Variants in TESMIN observed in about 807,000 individuals in gnomAD.
The protein encoded by TESMIN is CXC domain containing 2.
In TESMIN, 34 loss-of-function variants were observed where a neutral mutation model predicts 47.4. The observed-to-expected ratio is 0.72, with a 90% confidence interval of 0.55 to 0.96. TESMIN has a LOEUF of 0.96. TESMIN is among the 40% of genes least tolerant of loss of function. The pLI, the probability that TESMIN is intolerant of heterozygous loss-of-function variation, is 0.00. For synonymous variants in TESMIN, 278 were observed against 258.9 expected (o/e 1.07, Z -0.71); for missense variants, 610 against 637.2 (o/e 0.96, Z 0.46).
At chr11:68,711,114 C>T (rs1946060931) in intron 8 of TESMIN, 65 bp from the exon 9 acceptor site, 1 of 1,312,752 alleles carries the variant, frequency 7.6e-7, no homozygotes, top group African/African-American at 1.5e-5. Flanking sequence ...CTGACAAATT[C>T]TATTTGGACC....
Position 68,718,436 on chromosome 11 carries a change from G to GTGA in TESMIN, c.918-2500_918-2498dup, listed in dbSNP as rs1946167716. On this transcript the variant is annotated intron_variant, in intron 6 of 9. Transcript: ENST00000255087. ...TTTAGGAAGCAAAAAAGTAATCACA[G>GTGA]TGATGAAAGACCTAGAAGGTATGAA... 4.6e-5 allele frequency among the ~76,000 whole-genome samples: 7 copies of GTGA among 152,318 alleles called. No individual in the cohort carries two copies. In the South Asian group the frequency reaches 1.4e-3, roughly 32 times the overall value.
intron 5 of TESMIN, among the ~76,000 whole-genome samples, chr11:68,742,034 G>GA (rs1486159207): frequency 2.0e-5 from 3 of 152,232 alleles, no homozygotes; most frequent in African/African-American, 7.2e-5. Flanking sequence ...TGTTGGTGGG[G>GA]TCACAGAGGA....
Position 68,715,830 on chromosome 11 carries a change from T to G in TESMIN, c.1020+7A>C. Reference sequence around the variant, plus strand: ...TAAAATGCATACATTTAATGGACATTTATTACCTTAATGGCTTTAAACCGT... The same window carrying G: ...TAAAATGCATACATTTAATGGACATGTATTACCTTAATGGCTTTAAACCGT... On this transcript the variant is annotated splice_region_variant and intron_variant, in intron 7 of 9. Coordinates refer to ENST00000255087, the MANE Select transcript of TESMIN (RefSeq NM_004923.3). The G allele has an allele frequency of 6.4e-7, 1 of 1,554,526 alleles. No homozygotes were observed. Among genetic ancestry groups the G allele is most frequent in the African/African-American group, 1.4e-5 (1 of 73,668 alleles).
At chr11:68,723,525 G>A (rs1386996223) in intron 6 of TESMIN, among the ~76,000 whole-genome samples, 2 of 145,326 alleles carry the variant, frequency 1.4e-5, no homozygotes, top group African/African-American at 5.0e-5. Flanking sequence ...AACACAAAAA[G>A]CTAGCAAAAC....
At chr11:68,708,554 C>T in intron 9 of TESMIN, 54 bp from the exon 10 acceptor site, 1 of 1,423,520 alleles carries the variant, frequency 7.0e-7, no homozygotes, top group East Asian at 2.3e-5. Context: ...TTTCTACCTA[C>T]AGTACTATTT....
intron 6 of TESMIN, among the ~76,000 whole-genome samples, chr11:68,718,855 C>T (rs188899767): frequency 4.5e-4 from 69 of 152,306 alleles, no homozygotes; most frequent in African/African-American, 1.4e-3. Context: ...CCATTTCCAA[C>T]CTGAAGTTAT....
intron 3 of TESMIN, among the ~76,000 whole-genome samples, chr11:68,746,686 C>T (rs957619280): frequency 5.9e-5 from 9 of 152,212 alleles, no homozygotes; most frequent in Non-Finnish European, 1.0e-4. Context: ...TGTAACATCT[C>T]TGTTTCTTAC....
chr11:68,741,495 T>C (rs61889264), intron 5 of TESMIN, among the ~76,000 whole-genome samples: 338 of 152,330 alleles, frequency 2.2e-3, no homozygotes, highest in Non-Finnish European at 4.0e-3. Flanking sequence ...TAACAGATGA[T>C]GTAATTGGCT....
At chr11:68,740,998 C>A (rs368308226) in intron 5 of TESMIN, among the ~76,000 whole-genome samples, 11 of 152,188 alleles carry the variant, frequency 7.2e-5, no homozygotes, top group African/African-American at 2.2e-4. Context: ...ATCCTTGACT[C>A]CTCTCTTTCT....
chr11:68,730,946 G>A (rs1946319765), intron 6 of TESMIN, among the ~76,000 whole-genome samples: 1 of 152,122 alleles, frequency 6.6e-6, no homozygotes, highest in African/African-American at 2.4e-5. Flanking sequence ...TATGGCTACT[G>A]AAACAATAGC....
rs747111907 is a variant in TESMIN at position 68,750,292 on chromosome 11, G to A, written c.369C>T (p.His123=). The A allele has an allele frequency of 6.4e-7, 1 of 1,550,794 alleles. No individual in the cohort carries two copies. The change falls in exon 2 of 10, where the codon CAC becomes CAT. Residue 123 remains histidine (H), a synonymous_variant. Coordinates refer to ENST00000255087, the MANE Select transcript of TESMIN (RefSeq NM_004923.3). ...GCGCGGGTAGCAGCGAGGACAGGAAGTGCACGTTGCAGGCGGGCGGCTGCG... is the reference window on the plus strand; with the variant it reads ...GCGCGGGTAGCAGCGAGGACAGGAAATGCACGTTGCAGGCGGGCGGCTGCG... The part of the protein sequence containing the change: ...QAPQPPACNV[H]FLSSLLPAHR...
chr11:68,717,396 C>A (rs1946152764), intron 6 of TESMIN, among the ~76,000 whole-genome samples: 1 of 152,114 alleles, frequency 6.6e-6, no homozygotes, highest in African/African-American at 2.4e-5. Flanking sequence ...AAGTGTGGAT[C>A]CCTGAAAGGC....
At chr11:68,724,518 C>T (rs956504272) in intron 6 of TESMIN, among the ~76,000 whole-genome samples, 1 of 152,174 alleles carries the variant, frequency 6.6e-6, no homozygotes, top group African/African-American at 2.4e-5. Context: ...TCCCAGCTTC[C>T]TATTTAGTTG....
intron 5 of TESMIN, 122 bp from the exon 6 acceptor site, chr11:68,738,910 A>G: frequency 1.2e-6 from 1 of 805,338 alleles, no homozygotes; most frequent in Non-Finnish European, 2.0e-6. Flanking sequence ...CCATCCCTTT[A>G]TAACCATGTC....
At position 68,745,131 on chromosome 11, in the gene TESMIN, T is replaced by C; in HGVS notation, c.631-20A>G. 2 of 1,574,470 alleles carry C rather than the reference T, an allele frequency of 1.3e-6. No homozygotes were observed. The highest frequency in any genetic ancestry group is 1.7e-6 in the Non-Finnish European group (2 of 1,169,842). On this transcript the variant is annotated intron_variant, in intron 3 of 9. Coordinates refer to ENST00000255087, the MANE Select transcript of TESMIN (RefSeq NM_004923.3). ...TATCACCTAAAATGAAAAAGAACAA[T>C]CAGGTTTCATTTTTGAAACATAATT...
intron 6 of TESMIN, chr11:68,737,974 T>C (rs1282109466): frequency 1.1e-5 from 11 of 985,606 alleles, no homozygotes; most frequent in Non-Finnish European, 1.3e-5. Context: ...AACAAACACC[T>C]CTTGGAGGCA....
intron 6 of TESMIN, chr11:68,736,898 T>C (rs2153992246): frequency 1.0e-6 from 1 of 985,472 alleles, no homozygotes; most frequent in Non-Finnish European, 1.2e-6. Flanking sequence ...AACGCTGTCA[T>C]GACTGCTGCT....
In TESMIN at chr11:68,750,451, C is replaced by A; in HGVS notation, c.210G>T (p.Ala70=). The A allele has an allele frequency of 6.3e-7, 1 of 1,584,202 alleles. No individual in the cohort carries two copies. The highest frequency in any genetic ancestry group is 8.6e-7 in the Non-Finnish European group (1 of 1,164,758). The change falls in exon 2 of 10, where the codon GCG becomes GCT. Residue 70 remains alanine (A), a synonymous_variant. Transcript: ENST00000255087. ...CCTGGCCCTTGCAGTCGGCGCCCAG[C>A]GCGGGGTTGAACGCGTGCAGGACGG... ...KEPVLHAFNP[A]LGADCKGQVK...
intron 7 of TESMIN, 56 bp downstream of exon 7, chr11:68,715,781 A>C: frequency 7.8e-7 from 1 of 1,276,170 alleles, no homozygotes; most frequent in South Asian, 1.3e-5. Context: ...TTTTATGAAC[A>C]TCTCAAACAG....
Sources: gnomAD v4.1 joint callset for allele counts (sites outside exome capture counted in the v4.1 genomes callset) on GRCh38, gnomAD v4.1.1 for gene constraint, MANE v1.5 for transcripts, NCBI Gene and HGNC (gene_info 2026-07-23, HGNC 2026-07-21) for gene names.